Variants in CYTIP observed in about 807,000 individuals in gnomAD.
CYTIP encodes the protein cytohesin 1 interacting protein.
A neutral mutation model predicts 43.8 loss-of-function variants in CYTIP; 26 were observed. The observed-to-expected ratio is 0.59, with a 90% confidence interval of 0.44 to 0.82. The LOEUF is 0.82. CYTIP is among the 40% of genes least tolerant of loss of function. The pLI, the probability that CYTIP is intolerant of heterozygous loss-of-function variation, is 0.00. For synonymous variants in CYTIP, 162 were observed against 162.9 expected (o/e 0.99, Z 0.04); for missense variants, 426 against 443.1 (o/e 0.96, Z 0.35).
intron 6 of CYTIP, among the ~76,000 whole-genome samples, chr2:157,424,113 C>T (rs890461868): frequency 4.6e-5 from 7 of 152,010 alleles, no homozygotes; most frequent in South Asian, 4.1e-4. Flanking sequence ...TATGGTAGCG[C>T]CTAAGCTGTG....
intron 6 of CYTIP, among the ~76,000 whole-genome samples, chr2:157,420,771 C>G (rs1685510723): frequency 6.6e-6 from 1 of 151,300 alleles, no homozygotes; most frequent in Non-Finnish European, 1.5e-5. Context: ...ATAAGGCTAG[C>G]AAGTGCCTGG....
intron 4 of CYTIP, 80 bp from the exon 5 acceptor site, chr2:157,430,732 C>T (rs1248628499): frequency 1.3e-6 from 2 of 1,487,172 alleles, no homozygotes; most frequent in Non-Finnish European, 1.9e-6. Flanking sequence ...ACAAGCAGCT[C>T]CAAGTCTTAA....
rs371815413 is a variant in CYTIP, at chr2:157,416,042, G to T, written c.715C>A (p.Arg239=). 3 of 1,614,028 alleles carry T rather than the reference G, an allele frequency of 1.9e-6. No homozygotes were observed. Among genetic ancestry groups the T allele is most frequent in the African/African-American group, 2.7e-5 (2 of 74,904 alleles). Reference sequence around the variant, plus strand: ...TTACAGCTGCTCTCACTGGATAATCGATTCCGGTCCACAAGGGCTGGGCCT... The same window carrying T: ...TTACAGCTGCTCTCACTGGATAATCTATTCCGGTCCACAAGGGCTGGGCCT... ...GPGPALVDRN[R]LSSESSCKSW... is the part of the protein sequence containing the mutation. The change falls in exon 8 of 8, where the codon CGA becomes AGA. Residue 239 remains arginine, a synonymous_variant. Coordinates refer to ENST00000264192, the MANE Select transcript of CYTIP (RefSeq NM_004288.5).
chr2:157,434,688 A>C lies in CYTIP; in HGVS notation c.224+10T>G, dbSNP rs1420883080. ...TTTGGGAGAGACAAAAAATAATTCAATCTCTTTACCTTTGAGACCAGGAAA... is the reference window on the plus strand; with the variant it reads ...TTTGGGAGAGACAAAAAATAATTCACTCTCTTTACCTTTGAGACCAGGAAA... On this transcript the variant is annotated intron_variant, in intron 2 of 7. Transcript: ENST00000264192. The C allele has an allele frequency of 6.2e-7, 1 of 1,604,000 alleles. No homozygotes were observed. Among genetic ancestry groups the C allele is most frequent in the African/African-American group, 1.3e-5 (1 of 74,680 alleles).
Position 157,430,869 on chromosome 2 carries a change from G to A in CYTIP, c.373C>T (p.Leu125=), listed in dbSNP as rs375916923. The change falls in exon 4 of 8, where the codon CTG becomes TTG. Residue 125 remains leucine (L), a synonymous_variant. Transcript: ENST00000264192. ...CAAAAATTTAAGTTACCAGCTTGCA[G>A]GCCAGCACAGTGAGCTGGGCTGTCC... ...QEDSPAHCAG[L]QAGDVLANIN... The A allele has an allele frequency of 2.1e-5, 33 of 1,608,320 alleles. No individual in the cohort carries two copies. In the African/African-American group the frequency reaches 4.2e-4, roughly 20 times the overall value.
At chr2:157,417,132 T>C (rs536184911) in intron 7 of CYTIP, among the ~76,000 whole-genome samples, 1 of 152,386 alleles carries the variant, frequency 6.6e-6, no homozygotes, top group Non-Finnish European at 1.5e-5. Context: ...TGCTGTCTTT[T>C]GTCCTCGGTT....
intron 6 of CYTIP, among the ~76,000 whole-genome samples, chr2:157,422,070 G>C (rs1048405167): frequency 6.6e-6 from 1 of 152,166 alleles, no homozygotes; most frequent in African/African-American, 2.4e-5. Context: ...TGCTGGCTAT[G>C]GCTCATGTAG....
chr2:157,419,856 G>C (rs1456505696), intron 6 of CYTIP, among the ~76,000 whole-genome samples: 1 of 152,228 alleles, frequency 6.6e-6, no homozygotes, highest in African/African-American at 2.4e-5. Context: ...GAGGAACATG[G>C]CTTGTTCCTC....
chr2:157,422,232 T>C (rs1257763825), intron 6 of CYTIP, among the ~76,000 whole-genome samples: 1 of 152,180 alleles, frequency 6.6e-6, no homozygotes, highest in Non-Finnish European at 1.5e-5. Context: ...CATCCAGTTA[T>C]CACATTGTGC....
chr2:157,415,268 T>C lies in CYTIP; in HGVS notation c.*409A>G, dbSNP rs531737376. 8 of 163,430 alleles carry C rather than the reference T, an allele frequency of 4.9e-5. No individual in the cohort carries two copies. Among genetic ancestry groups the C allele is most frequent in the Admixed American group, 2.3e-4 (4 of 17,294 alleles). The allele number at this position is 163,430 out of a possible 1,614,324, so 10.1% of individuals were successfully genotyped here. On this transcript the variant is annotated 3_prime_UTR_variant, in exon 8 of 8. Transcript: ENST00000264192. Reference sequence around the variant, plus strand: ...CTACTGGGCATAAGCAAACCTAAGATTTTATAACCCAGCAATTATCCTATA... The same window carrying C: ...CTACTGGGCATAAGCAAACCTAAGACTTTATAACCCAGCAATTATCCTATA...
chr2:157,441,889 C>T (rs1298087245), intron 1 of CYTIP, among the ~76,000 whole-genome samples: 1 of 152,218 alleles, frequency 6.6e-6, no homozygotes, highest in Non-Finnish European at 1.5e-5. Flanking sequence ...TACATTTCTA[C>T]AATAAGGTTC....
chr2:157,428,889 A>G (rs1685653945), intron 5 of CYTIP, among the ~76,000 whole-genome samples: 1 of 152,260 alleles, frequency 6.6e-6, no homozygotes, highest in South Asian at 2.1e-4. Context: ...AAAAGCATCC[A>G]GCAGATTTTC....
At chr2:157,426,740 G>A (rs1448758665) in intron 6 of CYTIP, among the ~76,000 whole-genome samples, 1 of 152,078 alleles carries the variant, frequency 6.6e-6, no homozygotes, top group East Asian at 1.9e-4. Context: ...CATGGCTTAG[G>A]AGACCCTCAT....
At chr2:157,441,435 C>A (rs980303369) in intron 1 of CYTIP, among the ~76,000 whole-genome samples, 1 of 152,130 alleles carries the variant, frequency 6.6e-6, no homozygotes, top group African/African-American at 2.4e-5. Context: ...TAAAGCAATT[C>A]TCACAACAGT....
chr2:157,430,963 C>A lies in CYTIP; in HGVS notation c.280-1G>T, dbSNP rs367676409. ...CATTCTGATTCTGGGGCCTGTAAGA[C>A]TGTAAAAATTAAGATGATATATAGT... is the stretch of plus-strand genomic sequence containing the variant. On this transcript the variant is annotated splice_acceptor_variant, in intron 3 of 7. Transcript: ENST00000264192. LOFTEE classifies it high-confidence loss of function. The A allele has an allele frequency of 6.2e-7, 1 of 1,600,920 alleles. No individual in the cohort carries two copies. The highest frequency in any genetic ancestry group is 8.5e-7 in the Non-Finnish European group (1 of 1,176,078).
At chr2:157,433,843 GA>G (rs796739483) in intron 3 of CYTIP, among the ~76,000 whole-genome samples, 14 of 152,122 alleles carry the variant, frequency 9.2e-5, no homozygotes, top group African/African-American at 3.4e-4. Context: ...TTGTCATTAG[GA>G]AAAAAAGCTA....
chr2:157,434,775 T>C, intron 1 of CYTIP, 28 bp from the exon 2 acceptor site: 1 of 1,588,346 alleles, frequency 6.3e-7, no homozygotes. Flanking sequence ...CATATAGTTA[T>C]CCCAGGGTCT....
In CYTIP at chr2:157,416,150, C is replaced by T; in HGVS notation, c.614-7G>A. On this transcript the variant is annotated splice_region_variant and splice_polypyrimidine_tract_variant and intron_variant, in intron 7 of 7. Coordinates refer to ENST00000264192, the MANE Select transcript of CYTIP (RefSeq NM_004288.5). ...GGGCAATTAGCTGCATCACCTAGAG[C>T]ACAAAGTCTACTGTGAAATGGATCT... 2 of 1,594,314 alleles carry T rather than the reference C, an allele frequency of 1.3e-6. No homozygotes were observed. The highest frequency in any genetic ancestry group is 8.5e-7 in the Non-Finnish European group (1 of 1,169,872).
rs547461801 is a variant in CYTIP, at chr2:157,416,984, A to T, written c.614-841T>A. 1.6e-3 allele frequency among the ~76,000 whole-genome samples: 236 copies of T among 151,108 alleles called. 1 individual carries two copies. Among genetic ancestry groups the T allele is most frequent in the African/African-American group, 5.4e-3 (222 of 41,280 alleles). On this transcript the variant is annotated intron_variant, in intron 7 of 7. Coordinates refer to ENST00000264192, the MANE Select transcript of CYTIP (RefSeq NM_004288.5). ...TATCTTGTGTGTGTGTGTGTGTGAG[A>T]GAGAGAGAGAGAGAGAGAGAGAACT...
Sources: allele counts gnomAD v4.1 joint callset (sites outside exome capture counted in the v4.1 genomes callset), GRCh38; gene constraint gnomAD v4.1.1; transcripts MANE v1.5; gene names NCBI Gene and HGNC (gene_info 2026-07-23, HGNC 2026-07-21).